TMEM177: variants seen among roughly 807,000 people sequenced by gnomAD.
TMEM177 encodes the protein transmembrane protein 177.
Under a neutral mutation model 14.2 loss-of-function variants are expected in TMEM177, and 4 were observed. The observed-to-expected ratio is 0.28, with a 90% CI of 0.14 to 0.64. The LOEUF (loss-of-function observed/expected upper bound fraction) is 0.64. Ranked by LOEUF, TMEM177 falls within the 30% of genes least tolerant of loss-of-function variation. The probability of loss-of-function intolerance (pLI) is 0.82; values close to 1 mark genes in which losing one functional copy is unlikely to be tolerated. For missense variants in TMEM177, 344 were observed against 405.2 expected (o/e 0.85, Z 1.30); for synonymous variants, 179 against 174.5 (o/e 1.03, Z -0.20).
downstream of TMEM177, among the ~76,000 whole-genome samples, chr2:119,689,563 C>G (rs1357854876): frequency 6.6e-6 from 1 of 152,192 alleles, no homozygotes; most frequent in Non-Finnish European, 1.5e-5. Flanking sequence ...CACAACAATC[C>G]TATTATCCCC....
intron 1 of TMEM177, 63 bp from the exon 2 acceptor site, chr2:119,680,769 G>C: frequency 2.2e-6 from 3 of 1,346,096 alleles, no homozygotes; most frequent in Non-Finnish European, 2.1e-6. Context: ...GTGGACCCTG[G>C]AGGATGTTCA....
chr2:119,721,195 C>A, the TMEM177 span, among the ~76,000 whole-genome samples: 1 of 152,204 alleles, frequency 6.6e-6, no homozygotes, highest in African/African-American at 2.4e-5. Flanking sequence ...GGGTTTTGAA[C>A]CAGCCCTGCC....
the TMEM177 span, among the ~76,000 whole-genome samples, chr2:119,716,615 C>G: frequency 6.6e-6 from 1 of 152,100 alleles, no homozygotes; most frequent in African/African-American, 2.4e-5. Flanking sequence ...CATGCTCCTT[C>G]AAAGGAAGGG....
chr2:119,684,487 C>G (rs1190052421), downstream of TMEM177, among the ~76,000 whole-genome samples: 1 of 152,204 alleles, frequency 6.6e-6, no homozygotes, highest in Non-Finnish European at 1.5e-5. Context: ...TCTGCAGTGG[C>G]AGGATCGTGT....
chr2:119,698,010 A>C, the TMEM177 span, among the ~76,000 whole-genome samples: 1 of 152,178 alleles, frequency 6.6e-6, no homozygotes, highest in Non-Finnish European at 1.5e-5. Flanking sequence ...TGAGCCTAAA[A>C]AGCAGACAAT....
At position 119,681,120 on chromosome 2, in the gene TMEM177, A is replaced by G. The variant is rs939777; in HGVS notation, c.267A>G (p.Gln89=). 1 allele frequency: 1,609,088 copies of G among 1,614,244 alleles called. 802,097 individuals carry two copies. The highest frequency in any genetic ancestry group is 1 in the East Asian group (44,876 of 44,876). The change falls in exon 2 of 2, where the codon CAA becomes CAG. Residue 89 remains glutamine, a synonymous_variant. Coordinates refer to ENST00000272521, the MANE Select transcript of TMEM177 (RefSeq NM_030577.3). ...AGCCCTTCACCACCTTCACCTTCCA[A>G]CCTGTGAGTGCAGGCTTCCCAAGAC... ...CYKPFTTFTF[Q]PVSAGFPRLP... is the part of the protein sequence containing the mutation.
At chr2:119,694,055 A>G in the TMEM177 span, among the ~76,000 whole-genome samples, 1 of 33,598 alleles carries the variant, frequency 3.0e-5, no homozygotes, top group Non-Finnish European at 8.4e-5. Context: ...CACATCACGC[A>G]CATGCAACAT....
At chr2:119,709,553 G>T in the TMEM177 span, among the ~76,000 whole-genome samples, 16 of 152,318 alleles carry the variant, frequency 1.1e-4, no homozygotes, top group Non-Finnish European at 1.9e-4. Context: ...TGGGCACAGT[G>T]GCTTACACCT....
downstream of TMEM177, among the ~76,000 whole-genome samples, chr2:119,684,192 TG>T (rs1298620522): frequency 6.6e-6 from 1 of 152,198 alleles, no homozygotes; most frequent in Non-Finnish European, 1.5e-5. Context: ...GTTCCTGAAC[TG>T]CTCTCCCCTC....
the TMEM177 span, among the ~76,000 whole-genome samples, chr2:119,718,360 G>A: frequency 6.6e-6 from 1 of 152,126 alleles, no homozygotes; most frequent in African/African-American, 2.4e-5. Context: ...TCACTGCCCA[G>A]GGCTGACCTC....
chr2:119,697,799 A>G, the TMEM177 span, among the ~76,000 whole-genome samples: 4 of 152,216 alleles, frequency 2.6e-5, no homozygotes, highest in East Asian at 1.9e-4. Flanking sequence ...CTGAAGGTTC[A>G]CTGAAATGAA....
At chr2:119,699,971 G>A in the TMEM177 span, 18 of 372,550 alleles carry the variant, frequency 4.8e-5, no homozygotes, top group African/African-American at 3.6e-4. Context: ...AATAAAGCAC[G>A]TAAAATGCCC....
At chr2:119,684,078 A>G (rs1478108838), downstream of TMEM177, among the ~76,000 whole-genome samples, 1 of 152,094 alleles carries the variant, frequency 6.6e-6, no homozygotes, top group Non-Finnish European at 1.5e-5. Flanking sequence ...TCTCCTGCCT[A>G]AAGCCCTTTA....
the TMEM177 span, among the ~76,000 whole-genome samples, chr2:119,720,668 C>T: frequency 2.0e-5 from 3 of 152,274 alleles, no homozygotes; most frequent in South Asian, 2.1e-4. Context: ...CCTGAAATTT[C>T]GTGCCAGCCT....
chr2:119,687,367 T>C (rs998759446), downstream of TMEM177, among the ~76,000 whole-genome samples: 4 of 152,210 alleles, frequency 2.6e-5, no homozygotes, highest in African/African-American at 9.6e-5. Context: ...CATGCTGCTA[T>C]GAAGAAATAC....
At chr2:119,717,605 C>CTTTTTTT in the TMEM177 span, among the ~76,000 whole-genome samples, 19 of 88,448 alleles carry the variant, frequency 2.1e-4, no homozygotes, top group Admixed American at 4.1e-4. Context: ...TGACTTGAGT[C>CTTTTTTT]TTTTTTTTTT....
At chr2:119,715,968 A>C in the TMEM177 span, among the ~76,000 whole-genome samples, 1 of 152,218 alleles carries the variant, frequency 6.6e-6, no homozygotes, top group Non-Finnish European at 1.5e-5. Context: ...GAACAAAGAC[A>C]CACTTTACCC....
the TMEM177 span, among the ~76,000 whole-genome samples, chr2:119,717,783 G>A: frequency 6.6e-6 from 1 of 151,718 alleles, no homozygotes; most frequent in Non-Finnish European, 1.5e-5. Context: ...TAATTTTGTT[G>A]TTGTTGTTGT....
chr2:119,722,318 G>C, the TMEM177 span, among the ~76,000 whole-genome samples: 1 of 151,678 alleles, frequency 6.6e-6, no homozygotes, highest in Non-Finnish European at 1.5e-5. Flanking sequence ...GGAGGTAAAG[G>C]CTGTAGTGAG....
Sources: allele counts gnomAD v4.1 joint callset (sites outside exome capture counted in the v4.1 genomes callset), GRCh38; gene constraint gnomAD v4.1.1; transcripts MANE v1.5; gene names NCBI Gene and HGNC (gene_info 2026-07-23, HGNC 2026-07-21).